Variants in MACROD2 observed in about 807,000 individuals in gnomAD.
MACROD2 encodes mono-ADP ribosylhydrolase 2.
A neutral mutation model predicts 70.4 loss-of-function variants in MACROD2; 36 were observed. That is an observed-to-expected ratio of 0.51 (90% CI 0.39 to 0.68). The LOEUF (loss-of-function observed/expected upper bound fraction) is 0.68, where lower values mean the gene tolerates loss of function less well. Ranked by LOEUF, MACROD2 falls within the 30% of genes least tolerant of loss-of-function variation. The pLI is 0.00. For synonymous variants in MACROD2, 172 were observed against 178.8 expected (o/e 0.96, Z 0.30); for missense variants, 496 against 538.4 (o/e 0.92, Z 0.78).
chr20:14,667,654 G>C (rs1285491156), intron 4 of MACROD2, among the ~76,000 whole-genome samples: 2 of 152,112 alleles, frequency 1.3e-5, no homozygotes, highest in Non-Finnish European at 2.9e-5. Context: ...AAATGGTTCT[G>C]CTGGGTAAAA....
chr20:14,974,116 G>C (rs890795349), intron 5 of MACROD2, among the ~76,000 whole-genome samples: 1 of 152,184 alleles, frequency 6.6e-6, no homozygotes, highest in Non-Finnish European at 1.5e-5. Context: ...AGTTGGAAAG[G>C]GTCAAGTGAA....
intron 2 of MACROD2, among the ~76,000 whole-genome samples, chr20:14,063,389 A>G (rs2053713416): frequency 6.6e-6 from 1 of 152,202 alleles, no homozygotes; most frequent in African/African-American, 2.4e-5. Flanking sequence ...CTCGTGGGGC[A>G]TTAATGATCT....
intron 3 of MACROD2, among the ~76,000 whole-genome samples, chr20:14,280,437 C>A (rs1360989622): frequency 6.6e-6 from 1 of 151,928 alleles, no homozygotes; most frequent in Non-Finnish European, 1.5e-5. Context: ...TTGTGCAATG[C>A]CTAATAAAAA....
chr20:15,014,256 GT>G (rs1680056845), intron 5 of MACROD2, among the ~76,000 whole-genome samples: 1 of 152,140 alleles, frequency 6.6e-6, no homozygotes, highest in South Asian at 2.1e-4. Context: ...AAATTAAAAT[GT>G]TATCACAAGT....
At chr20:14,046,707 G>A (rs1224787769) in intron 2 of MACROD2, among the ~76,000 whole-genome samples, 2 of 145,298 alleles carry the variant, frequency 1.4e-5, no homozygotes, top group African/African-American at 5.0e-5. Context: ...TTACTCCCAA[G>A]CATTCTCTTT....
At chr20:14,216,790 C>T (rs895803896) in intron 3 of MACROD2, among the ~76,000 whole-genome samples, 80 of 151,440 alleles carry the variant, frequency 5.3e-4, no homozygotes, top group African/African-American at 1.9e-3. Flanking sequence ...GGGTTGAGTT[C>T]TTGACTTGAT....
intron 5 of MACROD2, among the ~76,000 whole-genome samples, chr20:15,148,952 T>C (rs2076249580): frequency 6.6e-6 from 1 of 152,060 alleles, no homozygotes; most frequent in African/African-American, 2.4e-5. Flanking sequence ...GTTATCAGAC[T>C]GTATAGAGGT....
intron 8 of MACROD2, among the ~76,000 whole-genome samples, chr20:15,661,770 C>T (rs190035164): frequency 1.1e-3 from 166 of 152,260 alleles, no homozygotes; most frequent in African/African-American, 3.8e-3. Flanking sequence ...AAAACTCTGG[C>T]TTAAACTCAA....
At chr20:15,413,408 T>G (rs2046104911) in intron 6 of MACROD2, among the ~76,000 whole-genome samples, 1 of 152,172 alleles carries the variant, frequency 6.6e-6, no homozygotes, top group Non-Finnish European at 1.5e-5. Context: ...AGTTATTGAT[T>G]AGTAGCTCTA....
chr20:14,016,794 T>A (rs1325108352), intron 2 of MACROD2, among the ~76,000 whole-genome samples: 1 of 152,156 alleles, frequency 6.6e-6, no homozygotes, highest in Non-Finnish European at 1.5e-5. Context: ...TCAGGAAGTG[T>A]GAGTCTTCCA....
intron 15 of MACROD2, among the ~76,000 whole-genome samples, chr20:16,038,151 T>A (rs867601625): frequency 1.5e-5 from 2 of 136,520 alleles, no homozygotes; most frequent in Non-Finnish European, 3.2e-5. Context: ...AGTTAATGGA[T>A]CTTTATTCAC....
intron 6 of MACROD2, among the ~76,000 whole-genome samples, chr20:15,407,277 G>T (rs915700089): frequency 6.6e-6 from 1 of 152,160 alleles, no homozygotes; most frequent in Non-Finnish European, 1.5e-5. Context: ...ATGGGAGTTG[G>T]TGGGTAAACA....
chr20:15,143,001 A>T (rs2076203767), intron 5 of MACROD2, among the ~76,000 whole-genome samples: 1 of 152,068 alleles, frequency 6.6e-6, no homozygotes, highest in Admixed American at 6.5e-5. Context: ...TAGCAGCATG[A>T]TTTATAATCC....
intron 6 of MACROD2, among the ~76,000 whole-genome samples, chr20:15,278,233 G>T (rs1246135026): frequency 2.6e-5 from 4 of 152,154 alleles, no homozygotes; most frequent in African/African-American, 9.7e-5. Flanking sequence ...AGGAACTGTG[G>T]CAGACTTAGG....
chr20:14,357,147 T>C (rs2083180040), intron 3 of MACROD2, among the ~76,000 whole-genome samples: 1 of 152,152 alleles, frequency 6.6e-6, no homozygotes, highest in Non-Finnish European at 1.5e-5. Context: ...GTTGGGCACA[T>C]TGTAAGAAGA....
At chr20:15,522,186 A>C (rs1268940507) in intron 8 of MACROD2, among the ~76,000 whole-genome samples, 1 of 152,196 alleles carries the variant, frequency 6.6e-6, no homozygotes, top group Non-Finnish European at 1.5e-5. Context: ...CTGTGCTTGC[A>C]TAGCCCTCAT....
chr20:15,431,573 A>G (rs1056913262), intron 7 of MACROD2, 138 bp downstream of exon 7: 6 of 746,974 alleles, frequency 8.0e-6, no homozygotes, highest in Admixed American at 7.5e-5. Context: ...GTCAAATCCC[A>G]TTAAAGAATG....
At chr20:14,569,714 G>A (rs1226727312) in intron 4 of MACROD2, among the ~76,000 whole-genome samples, 2 of 151,908 alleles carry the variant, frequency 1.3e-5, no homozygotes, top group African/African-American at 2.4e-5. Context: ...TATCTTCTGT[G>A]TGGCCAAATT....
intron 2 of MACROD2, among the ~76,000 whole-genome samples, chr20:14,050,838 TGAA>T (rs1370108803): frequency 1.3e-5 from 2 of 152,094 alleles, no homozygotes; most frequent in Non-Finnish European, 2.9e-5. Flanking sequence ...GAAATAAAGT[TGAA>T]GAAACATACT....
Sources: gnomAD v4.1 joint callset for allele counts (sites outside exome capture counted in the v4.1 genomes callset) on GRCh38, gnomAD v4.1.1 for gene constraint, MANE v1.5 for transcripts, NCBI Gene and HGNC (gene_info 2026-07-23, HGNC 2026-07-21) for gene names.